SACS: variants seen among roughly 807,000 people sequenced by gnomAD.
The protein encoded by SACS is sacsin.
Under a neutral mutation model 348.0 loss-of-function variants are expected in SACS, and 197 were observed. That is an observed-to-expected ratio of 0.57 (90% CI 0.50 to 0.64). The LOEUF is 0.64. Ranked by LOEUF, SACS falls within the 30% of genes least tolerant of loss-of-function variation. SACS has a pLI of 0.00. For synonymous variants in SACS, 1,985 were observed against 1,910.6 expected (o/e 1.04, Z -1.02); for missense variants, 4,999 against 5,360.8 (o/e 0.93, Z 2.11).
At chr13:23,342,731 A>T (rs1013005841) in intron 9 of SACS, among the ~76,000 whole-genome samples, 2 of 152,244 alleles carry the variant, frequency 1.3e-5, no homozygotes, top group Non-Finnish European at 2.9e-5. Flanking sequence ...CCTACAGAGA[A>T]GGTCATGAAG....
At chr13:23,381,436 G>A (rs1872056624) in intron 2 of SACS, among the ~76,000 whole-genome samples, 2 of 148,974 alleles carry the variant, frequency 1.3e-5, no homozygotes, top group East Asian at 2.0e-4. Flanking sequence ...TGAAGCGCGC[G>A]CACACACACA....
At chr13:23,375,050 C>A (rs113722331) in intron 3 of SACS, 69 bp downstream of exon 3, 1 of 1,355,558 alleles carries the variant, frequency 7.4e-7, no homozygotes, top group African/African-American at 1.5e-5. Context: ...GTCGCCCACC[C>A]CGGGCCCTCG....
At position 23,331,420 on chromosome 13, in the gene SACS, T is replaced by C; in HGVS notation, c.12456A>G (p.Glu4152=). The change falls in exon 10 of 10, where the codon GAA becomes GAG. Residue 4152 remains glutamate, a synonymous_variant. Transcript: ENST00000382292. ...KYDSSEPSKL[E]LPMPGTPIPA... Reference sequence around the variant, plus strand: ...GAATTGGTGTGCCAGGCATTGGAAGTTCCAGTTTTGATGGCTCCGAAGAGT... The same window carrying C: ...GAATTGGTGTGCCAGGCATTGGAAGCTCCAGTTTTGATGGCTCCGAAGAGT... 6.2e-7 allele frequency: 1 copy of C among 1,613,972 alleles called. No individual in the cohort carries two copies. The highest frequency in any genetic ancestry group is 1.1e-5 in the South Asian group (1 of 91,080).
intron 1 of SACS, among the ~76,000 whole-genome samples, chr13:23,413,056 C>T (rs1873557784): frequency 6.6e-6 from 1 of 152,262 alleles, no homozygotes; most frequent in Non-Finnish European, 1.5e-5. Flanking sequence ...CAGCTAACTG[C>T]AACCTCTTCC....
At chr13:23,349,098 C>T (rs1458773236) in intron 9 of SACS, among the ~76,000 whole-genome samples, 1 of 152,212 alleles carries the variant, frequency 6.6e-6, no homozygotes, top group Admixed American at 6.5e-5. Context: ...GATTCAATGT[C>T]CACTGGAAAA....
At chr13:23,421,563 G>A (rs187507530) in intron 1 of SACS, among the ~76,000 whole-genome samples, 31 of 152,096 alleles carry the variant, frequency 2.0e-4, no homozygotes, top group Admixed American at 3.3e-4. Context: ...CTGAGTCCTC[G>A]GTATCCTCTG....
Position 23,333,233 on chromosome 13 carries a change from A to G in SACS, c.10643T>C (p.Phe3548Ser). 5.6e-6 allele frequency: 9 copies of G among 1,598,994 alleles called. No homozygotes were observed. Among genetic ancestry groups the G allele is most frequent in the Non-Finnish European group, 7.7e-6 (9 of 1,173,876 alleles). The change falls in exon 10 of 10, where the codon TTT becomes TCT. Residue 3548 changes from phenylalanine (F) to serine (S), a missense_variant. Phe to Ser is a radical substitution (Grantham distance 155). Around this residue, in one of 6 missense-constraint regions of SACS, gnomAD observed 831 missense variants for 941.8 expected, o/e 0.88. Coordinates refer to ENST00000382292, the MANE Select transcript of SACS (RefSeq NM_014363.6). ...KHFYDRTVRV[F>S]EVMLPEKLFI... Reference sequence around the variant, plus strand: ...CAATTTTTCAGGAAGCATAACTTCAAAAACTCTCACAGTTCTATCATAGAA... The same window carrying G: ...CAATTTTTCAGGAAGCATAACTTCAGAAACTCTCACAGTTCTATCATAGAA...
intron 1 of SACS, among the ~76,000 whole-genome samples, chr13:23,412,183 C>T (rs988224262): frequency 3.9e-5 from 6 of 151,956 alleles, no homozygotes; most frequent in African/African-American, 7.2e-5. Flanking sequence ...GGCGTGAACC[C>T]GGGAGGTGGA....
chr13:23,389,627 A>G (rs9580609), intron 2 of SACS, among the ~76,000 whole-genome samples: 1,955 of 152,316 alleles, frequency 0.013, 54 homozygotes, highest in African/African-American at 0.045. Context: ...AGTCTGAGCT[A>G]AGCTTTCTCT....
chr13:23,363,206 G>A (rs1870849695), intron 6 of SACS, among the ~76,000 whole-genome samples: 2 of 148,868 alleles, frequency 1.3e-5, no homozygotes, highest in Non-Finnish European at 1.5e-5. Flanking sequence ...ACCGCACCTG[G>A]CCTACATTTA....
chr13:23,337,330 G>A lies in SACS; in HGVS notation c.6546C>T (p.Cys2182=), dbSNP rs1196082545. ...GACTCAATAAGATACTACTTCTTAG[G>A]CATGCAGCAACATGATCACTTTTAT... is the stretch of plus-strand genomic sequence containing the variant. ...EINKSDHVAA[C]LRSSILLSLI... is the part of the protein sequence containing the mutation. Residue 2182 remains cysteine (C), a synonymous_variant, in exon 10 of 10, where the codon TGC becomes TGT. Transcript: ENST00000382292. The A allele has an allele frequency of 2.5e-6, 4 of 1,613,778 alleles. No homozygotes were observed. The highest frequency in any genetic ancestry group is 3.4e-6 in the Non-Finnish European group (4 of 1,179,870).
At chr13:23,374,181 G>A (rs567500653) in intron 3 of SACS, 1 of 152,380 alleles carries the variant, frequency 6.6e-6, no homozygotes, top group South Asian at 2.1e-4. Flanking sequence ...GAACTGATCA[G>A]AAGGACTGAT....
rs1388802123 is a variant in SACS, at chr13:23,336,590, C to A, written c.7286G>T (p.Ser2429Ile). Residue 2429 changes from serine (S) to isoleucine (I), a missense_variant, in exon 10 of 10, where the codon AGT (serine) becomes ATT (isoleucine). By Grantham distance (142) the Ser-to-Ile change is moderately radical. Coordinates refer to ENST00000382292, the MANE Select transcript of SACS (RefSeq NM_014363.6). ...ENFQLCRRIISEGIWSLIREK... is the reference protein window; with the variant it reads ...ENFQLCRRIIIEGIWSLIREK... ...TCTAATGAGACTCCATATTCCTTCA[C>A]TGATTATTCGTCGGCAAAGCTGAAA... is the stretch of plus-strand genomic sequence containing the variant. The A allele has an allele frequency of 1.2e-6, 2 of 1,613,678 alleles. No individual in the cohort carries two copies. The highest frequency in any genetic ancestry group is 1.3e-5 in the African/African-American group (1 of 75,028).
Position 23,335,429 on chromosome 13 carries a change from G to GTC in SACS, c.8446_8447insGA (p.Thr2816ArgfsTer5). Reference sequence around the variant, plus strand: ...TGATCTATTACAAATTAGCCACGTAGTAAGATTTCCTTCAGAGTCCTCAGT... The same window carrying GTC: ...TGATCTATTACAAATTAGCCACGTAGTCTAAGATTTCCTTCAGAGTCCTCAGT... On this transcript the variant is annotated frameshift_variant, in exon 10 of 10. Transcript: ENST00000382292. LOFTEE classifies it high-confidence loss of function. The surrounding 1 kb of genome is among the most constrained non-coding windows in gnomAD (Gnocchi z 4.7). The GTC allele has an allele frequency of 6.2e-7, 1 of 1,613,874 alleles. No individual in the cohort carries two copies. The highest frequency in any genetic ancestry group is 8.5e-7 in the Non-Finnish European group (1 of 1,179,888).
chr13:23,433,097 T>A (rs1486203119), intron 1 of SACS, among the ~76,000 whole-genome samples: 1 of 152,174 alleles, frequency 6.6e-6, no homozygotes, highest in Non-Finnish European at 1.5e-5. Flanking sequence ...AACCATAACA[T>A]ATGGCATTGT....
At chr13:23,402,325 T>C (rs1479603744) in intron 2 of SACS, among the ~76,000 whole-genome samples, 4 of 152,220 alleles carry the variant, frequency 2.6e-5, no homozygotes, top group Non-Finnish European at 4.4e-5. Context: ...GTTTGGAATA[T>C]TGCTGTTGGA....
At chr13:23,348,277 T>G (rs1371945746) in intron 9 of SACS, among the ~76,000 whole-genome samples, 1 of 152,200 alleles carries the variant, frequency 6.6e-6, no homozygotes, top group African/African-American at 2.4e-5. Context: ...ATCTCTCAAA[T>G]GGAGATACAG....
intron 4 of SACS, among the ~76,000 whole-genome samples, chr13:23,370,325 G>GCA (rs764350266): frequency 2.0e-5 from 3 of 152,234 alleles, no homozygotes; most frequent in South Asian, 2.1e-4. Context: ...TATTTATTTT[G>GCA]CAACTTGATG....
intron 3 of SACS, among the ~76,000 whole-genome samples, chr13:23,372,023 A>G (rs1195155634): frequency 6.6e-6 from 1 of 152,212 alleles, no homozygotes; most frequent in African/African-American, 2.4e-5. Flanking sequence ...AAATTTGTGT[A>G]CAGTTTAGTT....
Sources: gnomAD v4.1 joint callset for allele counts (sites outside exome capture counted in the v4.1 genomes callset) on GRCh38, gnomAD v4.1.1 for gene constraint, gnomAD v4.1.1 regional missense constraint, Gnocchi (gnomAD v3.1) non-coding constraint, MANE v1.5 for transcripts, NCBI Gene and HGNC (gene_info 2026-07-23, HGNC 2026-07-21) for gene names.